The following ZNF385B variants were observed in gnomAD, a reference collection of about 807,000 sequenced individuals.
ZNF385B encodes the protein zinc finger protein 385B, also known as zinc finger protein 533.
ZNF385B carries 23 observed loss-of-function variants against 39.2 expected under a neutral mutation model. That is an observed-to-expected ratio of 0.59 (90% CI 0.42 to 0.83). The LOEUF is 0.83. ZNF385B is among the 40% of genes least tolerant of loss of function. ZNF385B has a pLI of 0.00. For synonymous variants in ZNF385B, 205 were observed against 222.6 expected, an observed-to-expected ratio of 0.92 and a Z score of 0.70; for missense variants, 552 against 598.9, an observed-to-expected ratio of 0.92 and a Z score of 0.82.
intron 1 of ZNF385B, among the ~76,000 whole-genome samples, chr2:179,858,404 A>G (rs1454964382): frequency 2.0e-5 from 3 of 152,182 alleles, no homozygotes; most frequent in Non-Finnish European, 2.9e-5. Flanking sequence ...TAAATATAAA[A>G]TTTTGGAGGG....
intron 6 of ZNF385B, among the ~76,000 whole-genome samples, chr2:179,482,352 A>C (rs1394831150): frequency 6.6e-6 from 1 of 152,226 alleles, no homozygotes; most frequent in Non-Finnish European, 1.5e-5. Flanking sequence ...AACATCAAAC[A>C]TAAGAAAAAG....
At chr2:179,847,482 G>T (rs993488362) in intron 1 of ZNF385B, among the ~76,000 whole-genome samples, 2 of 152,176 alleles carry the variant, frequency 1.3e-5, no homozygotes, top group African/African-American at 4.8e-5. Context: ...TTCCCTGCCC[G>T]ATCTCACCAC....
In ZNF385B at chr2:179,558,383, G is replaced by A. The variant is rs115349825; in HGVS notation, c.299-13414C>T. 6.6e-3 allele frequency among the ~76,000 whole-genome samples: 1,004 copies of A among 152,182 alleles called. 12 individuals carry two copies. Among genetic ancestry groups the A allele is most frequent in the African/African-American group, 0.023 (939 of 41,544 alleles). ...CTGTGGTATTTAAGAAACAAAAGGA[G>A]GGAAAAGAAAAGAATAGTGGTTTAT... On this transcript the variant is annotated intron_variant, in intron 3 of 9. Transcript: ENST00000410066.
intron 3 of ZNF385B, among the ~76,000 whole-genome samples, chr2:179,663,648 T>C (rs1278219026): frequency 1.4e-5 from 2 of 139,962 alleles, no homozygotes; most frequent in East Asian, 4.2e-4. Flanking sequence ...AGGCGGAGCT[T>C]GCAGTGAGCC....
intron 3 of ZNF385B, among the ~76,000 whole-genome samples, chr2:179,663,713 C>CAAAAAAAAAAAAAA (rs71401756): frequency 1.5e-5 from 1 of 67,732 alleles, no homozygotes; most frequent in African/African-American, 6.8e-5. Context: ...GACTCCGTCT[C>CAAAAAAAAAAAAAA]AAAAAAAAAA....
chr2:179,846,016 T>C (rs1030922907), intron 1 of ZNF385B, among the ~76,000 whole-genome samples: 2 of 152,220 alleles, frequency 1.3e-5, no homozygotes, highest in African/African-American at 2.4e-5. Flanking sequence ...ACTGGCATAC[T>C]TGCACATGGT....
At chr2:179,672,962 C>T (rs1696238101) in intron 3 of ZNF385B, among the ~76,000 whole-genome samples, 1 of 152,136 alleles carries the variant, frequency 6.6e-6, no homozygotes, top group Non-Finnish European at 1.5e-5. Context: ...TGCTCCTCTG[C>T]AAGGTGGGGA....
At chr2:179,774,701 C>T (rs1465799318) in intron 1 of ZNF385B, among the ~76,000 whole-genome samples, 5 of 152,118 alleles carry the variant, frequency 3.3e-5, no homozygotes, top group Non-Finnish European at 7.3e-5. Flanking sequence ...GTGGGCTAAG[C>T]CCACAGCTGT....
chr2:179,584,580 A>G (rs1002674035), intron 3 of ZNF385B, among the ~76,000 whole-genome samples: 11 of 152,198 alleles, frequency 7.2e-5, no homozygotes, highest in Admixed American at 5.9e-4. Flanking sequence ...TGAGTACAAC[A>G]TATCTGGAGG....
At chr2:179,581,780 T>C (rs1385808014) in intron 3 of ZNF385B, among the ~76,000 whole-genome samples, 1 of 152,226 alleles carries the variant, frequency 6.6e-6, no homozygotes, top group African/African-American at 2.4e-5. Context: ...GTAGAAGTGA[T>C]AACTTCCAGG....
intron 1 of ZNF385B, among the ~76,000 whole-genome samples, chr2:179,821,151 G>T (rs554222497): frequency 4.7e-4 from 71 of 152,166 alleles, no homozygotes; most frequent in African/African-American, 1.7e-3. Flanking sequence ...CTGACCAGTG[G>T]ACACAAACTC....
chr2:179,540,046 A>C (rs896838858), intron 4 of ZNF385B, among the ~76,000 whole-genome samples: 2 of 152,218 alleles, frequency 1.3e-5, no homozygotes, highest in African/African-American at 4.8e-5. Context: ...GGTCTGGGAC[A>C]AAGAATGTAG....
intron 3 of ZNF385B, among the ~76,000 whole-genome samples, chr2:179,761,765 T>TTC (rs1703409750): frequency 6.8e-6 from 1 of 147,510 alleles, no homozygotes; most frequent in Non-Finnish European, 1.5e-5. Context: ...TCTTTTCTTT[T>TTC]TTTTTTTTTT....
At chr2:179,698,059 G>C (rs1698904329) in intron 3 of ZNF385B, among the ~76,000 whole-genome samples, 1 of 152,128 alleles carries the variant, frequency 6.6e-6, no homozygotes, top group Admixed American at 6.5e-5. Context: ...AGTGAGGGGG[G>C]AGGGATAGCA....
At chr2:179,461,549 A>G (rs1487536855) in intron 6 of ZNF385B, among the ~76,000 whole-genome samples, 2 of 152,192 alleles carry the variant, frequency 1.3e-5, no homozygotes, top group Non-Finnish European at 2.9e-5. Flanking sequence ...ATTTACTAAG[A>G]TTTGAGATAA....
intron 1 of ZNF385B, among the ~76,000 whole-genome samples, chr2:179,835,457 A>G (rs1468191158): frequency 6.6e-6 from 1 of 152,174 alleles, no homozygotes; most frequent in Non-Finnish European, 1.5e-5. Flanking sequence ...GACCTAATGG[A>G]ATACACATAA....
At chr2:179,554,980 G>A (rs1384132553) in intron 3 of ZNF385B, among the ~76,000 whole-genome samples, 1 of 149,290 alleles carries the variant, frequency 6.7e-6, no homozygotes, top group Non-Finnish European at 1.5e-5. Flanking sequence ...CTATGACCCA[G>A]AAATTTCACT....
intron 6 of ZNF385B, among the ~76,000 whole-genome samples, chr2:179,448,475 A>G (rs2049741027): frequency 6.6e-6 from 1 of 152,096 alleles, no homozygotes. Flanking sequence ...AAAGAATCTG[A>G]TCTGTTTCAG....
chr2:179,463,192 T>A (rs79437781), intron 6 of ZNF385B, among the ~76,000 whole-genome samples: 2,419 of 152,108 alleles, frequency 0.016, 45 homozygotes, highest in Middle Eastern at 0.037. Flanking sequence ...GTCCCTACCA[T>A]TGCTCCAAAT....
Sources: allele counts gnomAD v4.1 joint callset (sites outside exome capture counted in the v4.1 genomes callset), GRCh38; gene constraint gnomAD v4.1.1; transcripts MANE v1.5; gene names NCBI Gene and HGNC (gene_info 2026-07-23, HGNC 2026-07-21).